ITGB3: variants seen among roughly 807,000 people sequenced by gnomAD.
The protein encoded by ITGB3 is integrin beta-3.
A neutral mutation model predicts 85.8 loss-of-function variants in ITGB3; 48 were observed. The ratio of observed to expected loss-of-function variants is 0.56; its 90% confidence interval spans 0.44 to 0.71. The LOEUF (loss-of-function observed/expected upper bound fraction) is 0.71. Among genes scored for constraint, ITGB3 ranks in the 30% least tolerant of loss-of-function variants. The probability of loss-of-function intolerance (pLI) is 0.00; values close to 1 mark genes in which losing one functional copy is unlikely to be tolerated. For synonymous variants in ITGB3, 363 were observed against 395.6 expected (o/e 0.92, Z 0.98); for missense variants, 861 against 1,019.1 (o/e 0.84, Z 2.11).
Position 47,299,652 on chromosome 17 carries a change from C to T in ITGB3, c.1913+122C>T, listed in dbSNP as rs1432430054. The T allele has an allele frequency of 3.3e-6, 3 of 921,316 alleles. No homozygotes were observed. The highest frequency in any genetic ancestry group is 4.0e-5 in the Admixed American group (2 of 50,018). The allele number at this position is 921,316 out of a possible 1,614,324, so 57.1% of individuals were successfully genotyped here. A position where few individuals can be genotyped will look rare whatever the true frequency, so the allele number is the denominator to read the frequency against. ...AGAGCCTTAGGGAGAGGAGTCCACT[C>T]CAGCCAGATGGCTGTCTCTCCTTTT... On this transcript the variant is annotated intron_variant, in intron 11 of 14. Coordinates refer to ENST00000559488, the MANE Select transcript of ITGB3 (RefSeq NM_000212.3). This position sits in a 1 kb window ranked among gnomAD's most constrained non-coding sequence, Gnocchi z 5.1.
intron 2 of ITGB3, among the ~76,000 whole-genome samples, chr17:47,279,008 T>C (rs2065073915): frequency 6.6e-6 from 1 of 152,230 alleles, no homozygotes; most frequent in African/African-American, 2.4e-5. Context: ...GATTTTTATA[T>C]TTTGAAAGCA....
At chr17:47,263,867 A>G (rs1354379459) in intron 1 of ITGB3, among the ~76,000 whole-genome samples, 1 of 152,222 alleles carries the variant, frequency 6.6e-6, no homozygotes, top group Non-Finnish European at 1.5e-5. Context: ...AACTTTGTGT[A>G]CAGGGAATCC....
chr17:47,274,604 C>A lies in ITGB3; in HGVS notation c.165+100C>A, dbSNP rs188181448. 1.5e-5 allele frequency: 15 copies of A among 977,002 alleles called. No homozygotes were observed. In the East Asian group the frequency reaches 3.7e-4, roughly 24 times the overall value. The allele number at this position is 977,002 out of a possible 1,614,324, so 60.5% of individuals were successfully genotyped here. A position where few individuals can be genotyped will look rare whatever the true frequency, so the allele number is the denominator to read the frequency against. ...ATCACCTCCCTCTTGAATACACATG[C>A]CCCTTATCCCTTCTAAGCAAAACTT... is the stretch of plus-strand genomic sequence containing the variant. On this transcript the variant is annotated intron_variant, in intron 2 of 14. Transcript: ENST00000559488.
In ITGB3 at chr17:47,289,858, C is replaced by G. The variant is rs189955611; in HGVS notation, c.1035+82C>G. The G allele has an allele frequency of 1.5e-5, 15 of 971,352 alleles. No homozygotes were observed. The East Asian group carries it at 3.6e-4, about 23-fold the overall frequency. The allele number at this position is 971,352 out of a possible 1,614,324, so 60.2% of individuals were successfully genotyped here. On this transcript the variant is annotated intron_variant, in intron 7 of 14. Transcript: ENST00000559488. ...AGCCAGCCTGTGCTAGCATTGGATACAGTCCCCAATCAGGAAAGAGTCTCC... is the reference window on the plus strand; with the variant it reads ...AGCCAGCCTGTGCTAGCATTGGATAGAGTCCCCAATCAGGAAAGAGTCTCC...
rs568320937 is a variant in ITGB3 at position 47,253,977 on chromosome 17, C to T, written c.79+37C>T. ...TCCGGCTCGGCAGCGTCGCAGCTGC[C>T]CCAGGATCTGCGCCCCGGTCAAGTT... On this transcript the variant is annotated intron_variant, in intron 1 of 14. Transcript: ENST00000559488. 1.1e-4 allele frequency: 139 copies of T among 1,292,500 alleles called. 2 individuals carry two copies. The East Asian group carries it at 3.8e-3, about 36-fold the overall frequency. The allele number at this position is 1,292,500 out of a possible 1,614,324, so 80.1% of individuals were successfully genotyped here.
chr17:47,297,591 G>GTA (rs2065150478), intron 10 of ITGB3, among the ~76,000 whole-genome samples: 1 of 151,964 alleles, frequency 6.6e-6, no homozygotes, highest in South Asian at 2.1e-4. Context: ...GGGAGGTGGG[G>GTA]GTTTACAGTG....
At position 47,253,869 on chromosome 17, in the gene ITGB3, C is replaced by A. The variant is rs1286557894; in HGVS notation, c.8C>A (p.Ala3Glu). ...CCGCGGGAGGCGGACGAGATGCGAG[C>A]GCGGCCGCGGCCCCGGCCGCTCTGG... MRARPRPRPLWAT... is the reference protein window; with the variant it reads MRERPRPRPLWAT... The change falls in exon 1 of 15, where the codon GCG becomes GAG. Residue 3 changes from alanine (A) to glutamate (E), a missense_variant. Physicochemically the swap from Ala to Glu is moderately radical, Grantham distance 107. Transcript: ENST00000559488. 6.4e-6 allele frequency: 8 copies of A among 1,241,018 alleles called. No individual in the cohort carries two copies. The highest frequency in any genetic ancestry group is 8.1e-6 in the Non-Finnish European group (8 of 993,246). 76.9% of individuals were successfully genotyped at this position (1,241,018 alleles called of 1,614,324 possible). A position where few individuals can be genotyped will look rare whatever the true frequency, so the allele number is the denominator to read the frequency against.
In ITGB3 at chr17:47,292,588, C is replaced by T. The variant is rs1418839890; in HGVS notation, c.1690+20C>T. On this transcript the variant is annotated intron_variant, in intron 10 of 14. Transcript: ENST00000559488. ...GCTCAGGTGAGGAGAACTGCAGGGC[C>T]CCCTGTCCTGGAACCCACACCCCCT... 1.3e-6 allele frequency: 2 copies of T among 1,599,498 alleles called. No homozygotes were observed. Among genetic ancestry groups the T allele is most frequent in the Admixed American group, 1.7e-5 (1 of 60,018 alleles).
At chr17:47,283,633 G>A in intron 3 of ITGB3, 84 bp downstream of exon 3, 3 of 1,333,200 alleles carry the variant, frequency 2.3e-6, no homozygotes, top group Non-Finnish European at 3.2e-6. Context: ...GAAGTCTTGG[G>A]GAAGTAGCTC....
At chr17:47,256,030 C>G (rs2056132) in intron 1 of ITGB3, among the ~76,000 whole-genome samples, 18,547 of 152,010 alleles carry the variant, frequency 0.12, 1,247 homozygotes, top group South Asian at 0.18. Flanking sequence ...TTGTCCTGTC[C>G]AGGATGAGAT....
intron 4 of ITGB3, 78 bp from the exon 5 acceptor site, chr17:47,286,182 C>T (rs2065101776): frequency 1.3e-6 from 2 of 1,519,806 alleles, no homozygotes; most frequent in Non-Finnish European, 1.8e-6. Flanking sequence ...CTATATTTGT[C>T]CCCTCTCTTT....
At chr17:47,254,119 G>A (rs1043429685) in intron 1 of ITGB3, among the ~76,000 whole-genome samples, 179 bp downstream of exon 1, 7 of 152,170 alleles carry the variant, frequency 4.6e-5, no homozygotes, top group African/African-American at 1.7e-4. Context: ...GCCCGGCGGT[G>A]GCGGGGCTGA....
At position 47,269,644 on chromosome 17, in the gene ITGB3, C is replaced by G. The variant is rs980833742; in HGVS notation, c.80-4775C>G. On this transcript the variant is annotated intron_variant, in intron 1 of 14. Coordinates refer to ENST00000559488, the MANE Select transcript of ITGB3 (RefSeq NM_000212.3). The stretch of plus-strand genomic sequence containing the variant: ...TCATTCAACAAGTCTCTAGGAAGTT[C>G]CAAACTTTACCACATCTTCCTGTAT... Among the ~76,000 whole-genome samples, 3 of 152,198 alleles carry G rather than the reference C, an allele frequency of 2.0e-5. No homozygotes were observed. In the South Asian group the frequency reaches 6.2e-4, roughly 31 times the overall value.
Position 47,286,257 on chromosome 17 carries a change from C to A in ITGB3, c.615-3C>A. 4 of 1,614,160 alleles carry A rather than the reference C, an allele frequency of 2.5e-6. No homozygotes were observed. The highest frequency in any genetic ancestry group is 3.4e-6 in the Non-Finnish European group (4 of 1,180,022). ...GCTTAAATTATCTCCCATCCCTCCC[C>A]AGTATGAAGACCACCTGCTTGCCCA... On this transcript the variant is annotated splice_region_variant and splice_polypyrimidine_tract_variant and intron_variant, in intron 4 of 14. Transcript: ENST00000559488.
chr17:47,284,518 T>G lies in ITGB3; in HGVS notation c.437T>G (p.Leu146Arg). 1 of 1,614,186 alleles carries G rather than the reference T, an allele frequency of 6.2e-7. No homozygotes were observed. Among genetic ancestry groups the G allele is most frequent in the Non-Finnish European group, 8.5e-7 (1 of 1,180,028 alleles). ...GTGGACATCTACTACTTGATGGACC[T>G]GTCTTACTCCATGAAGGATGATCTG... The part of the protein sequence containing the change: ...YPVDIYYLMD[L>R]SYSMKDDLWS... The change falls in exon 4 of 15, where the codon CTG becomes CGG. Residue 146 changes from leucine (L) to arginine (R), a missense_variant. Transcript: ENST00000559488.
At chr17:47,261,334 TA>T (rs2065008042) in intron 1 of ITGB3, among the ~76,000 whole-genome samples, 1 of 152,092 alleles carries the variant, frequency 6.6e-6, no homozygotes, top group Admixed American at 6.6e-5. Flanking sequence ...GCTTATTATT[TA>T]AAAAAAGGCA....
rs745408451 is a variant in ITGB3, at chr17:47,313,273, C to T, written c.*3069C>T. ...ACAAGTGTGAAGCACTGTGCCCGGC[C>T]AGTCATCCATGATTTTAATGGGGTC... On this transcript the variant is annotated 3_prime_UTR_variant, in exon 15 of 15. Coordinates refer to ENST00000559488, the MANE Select transcript of ITGB3 (RefSeq NM_000212.3). 1.3e-5 allele frequency among the ~76,000 whole-genome samples: 2 copies of T among 151,556 alleles called. No individual in the cohort carries two copies. Among genetic ancestry groups the T allele is most frequent in the Non-Finnish European group, 2.9e-5 (2 of 67,906 alleles).
intron 5 of ITGB3, 104 bp downstream of exon 5, chr17:47,286,526 C>T (rs896898353): frequency 1.5e-6 from 2 of 1,362,110 alleles, no homozygotes; most frequent in Non-Finnish European, 1.0e-6. Flanking sequence ...GAGATGAGAA[C>T]TAAGCAGGGC....
intron 6 of ITGB3, among the ~76,000 whole-genome samples, chr17:47,287,975 A>T (rs1009368244): frequency 5.9e-5 from 7 of 118,676 alleles, no homozygotes; most frequent in African/African-American, 1.7e-4. Context: ...GCCCAGCTGG[A>T]GTGCAGTAGT....
Sources: gnomAD v4.1 joint callset for allele counts (sites outside exome capture counted in the v4.1 genomes callset) on GRCh38, gnomAD v4.1.1 for gene constraint, Gnocchi (gnomAD v3.1) non-coding constraint, MANE v1.5 for transcripts, NCBI Gene and HGNC (gene_info 2026-07-23, HGNC 2026-07-21) for gene names.